Variants in GULP1 observed in about 807,000 individuals in gnomAD.
The protein encoded by GULP1 is GULP PTB domain containing engulfment adaptor 1, also known as PTB domain-containing engulfment adapter protein 1.
A neutral mutation model predicts 40.9 loss-of-function variants in GULP1; 19 were observed. That is an observed-to-expected ratio of 0.46 (90% CI 0.32 to 0.68). The LOEUF (loss-of-function observed/expected upper bound fraction) is 0.68, where lower values mean the gene tolerates loss of function less well. Among genes scored for constraint, GULP1 ranks in the 30% least tolerant of loss-of-function variants. The pLI is 0.03. For missense variants in GULP1, 312 were observed against 362.2 expected (o/e 0.86, Z 1.12); for synonymous variants, 119 against 117.6 (o/e 1.01, Z -0.08).
rs149138350 is a variant in GULP1 at position 188,549,150 on chromosome 2, T to C, written c.399+7832T>C. On this transcript the variant is annotated intron_variant, in intron 7 of 11. Coordinates refer to ENST00000409830, the MANE Select transcript of GULP1 (RefSeq NM_016315.4). ...TTCTATGTATAAGTGCTTTGTTCCA[T>C]GTCTTAGGAAAGCATTCTTTTTTTA... Among the ~76,000 whole-genome samples the C allele has an allele frequency of 1.9e-3, 234 of 124,380 alleles. 5 individuals are homozygous for C. The highest frequency in any genetic ancestry group is 5.7e-3 in the African/African-American group (209 of 36,608). 81.6% of individuals were successfully genotyped at this position (124,380 alleles called of 152,430 possible).
Position 188,500,816 on chromosome 2 carries a change from A to T in GULP1, c.90+17324A>T, listed in dbSNP as rs540579150. On this transcript the variant is annotated intron_variant, in intron 4 of 11. Transcript: ENST00000409830. ...CTCAATGGGGCCCCTGGTCTTTTCC[A>T]AATTCTCTTCCCTTAATTCGTATCT... 1.3e-4 allele frequency among the ~76,000 whole-genome samples: 19 copies of T among 151,972 alleles called. No homozygotes were observed. The South Asian group carries it at 3.5e-3, about 28-fold the overall frequency.
intron 2 of GULP1, among the ~76,000 whole-genome samples, chr2:188,433,239 G>T (rs950993122): frequency 5.3e-5 from 8 of 152,024 alleles, no homozygotes; most frequent in African/African-American, 1.9e-4. Context: ...TCCAAAGGGG[G>T]TCATTCTCTT....
intron 2 of GULP1, among the ~76,000 whole-genome samples, chr2:188,416,239 T>C (rs1279828100): frequency 6.6e-6 from 1 of 152,156 alleles, no homozygotes; most frequent in Non-Finnish European, 1.5e-5. Flanking sequence ...TTTCTTCTTT[T>C]TTCTCTTCCT....
At chr2:188,302,085 A>G (rs1376164493) in intron 1 of GULP1, among the ~76,000 whole-genome samples, 1 of 152,208 alleles carries the variant, frequency 6.6e-6, no homozygotes, top group East Asian at 1.9e-4. Context: ...AAGTTTTAGA[A>G]GTAGTAATTT....
At chr2:188,538,361 C>A (rs1035363690) in intron 6 of GULP1, among the ~76,000 whole-genome samples, 3 of 151,844 alleles carry the variant, frequency 2.0e-5, no homozygotes, top group Admixed American at 6.6e-5. Flanking sequence ...AATTCTATTC[C>A]CAGAAGTGAG....
At chr2:188,566,036 G>A (rs932688368) in intron 7 of GULP1, among the ~76,000 whole-genome samples, 10 of 152,014 alleles carry the variant, frequency 6.6e-5, no homozygotes, top group African/African-American at 2.4e-4. Context: ...CTGAAAGTAG[G>A]CATAAGAGAC....
intron 1 of GULP1, among the ~76,000 whole-genome samples, chr2:188,351,966 A>AT (rs981418704): frequency 6.0e-4 from 90 of 150,680 alleles, no homozygotes; most frequent in African/African-American, 1.0e-3. Context: ...TAACTATCCC[A>AT]TTTTTTTTTG....
intron 1 of GULP1, among the ~76,000 whole-genome samples, chr2:188,365,581 G>T (rs914844904): frequency 4.6e-5 from 7 of 152,152 alleles, no homozygotes; most frequent in African/African-American, 1.7e-4. Flanking sequence ...TTGAACATTG[G>T]TTTGGATCTT....
chr2:188,443,687 T>A (rs957936960), intron 2 of GULP1, among the ~76,000 whole-genome samples: 2 of 150,792 alleles, frequency 1.3e-5, no homozygotes, highest in African/African-American at 4.9e-5. Flanking sequence ...ATGAATTTCT[T>A]TTCTTTTTTT....
chr2:188,441,755 C>A (rs2057954294), intron 2 of GULP1, among the ~76,000 whole-genome samples: 2 of 152,160 alleles, frequency 1.3e-5, no homozygotes. Flanking sequence ...CTCCCACCTG[C>A]TGTGGTTTGG....
At position 188,594,099 on chromosome 2, in the gene GULP1, ATG is replaced by A. The variant is rs942359113; in HGVS notation, c.*92_*93del. The A allele has an allele frequency of 4.3e-6, 3 of 700,172 alleles. No individual in the cohort carries two copies. Among genetic ancestry groups the A allele is most frequent in the Non-Finnish European group, 7.4e-6 (3 of 407,274 alleles). The allele number at this position is 700,172 out of a possible 1,614,324, so 43.4% of individuals were successfully genotyped here. A position where few individuals can be genotyped will look rare whatever the true frequency, so the allele number is the denominator to read the frequency against. ...TATTACTTTAAGATAGGTATTATTC[ATG>A]TGTCAATGTTTTTGAATATTTTAAT... is the stretch of plus-strand genomic sequence containing the variant. On this transcript the variant is annotated 3_prime_UTR_variant, in exon 12 of 12. Coordinates refer to ENST00000409830, the MANE Select transcript of GULP1 (RefSeq NM_016315.4).
chr2:188,406,647 T>C (rs754754576), intron 2 of GULP1, among the ~76,000 whole-genome samples: 1 of 151,810 alleles, frequency 6.6e-6, no homozygotes, highest in Non-Finnish European at 1.5e-5. Flanking sequence ...TGAAGATAGG[T>C]TATTCGAAAA....
intron 1 of GULP1, among the ~76,000 whole-genome samples, chr2:188,316,159 A>G (rs923659992): frequency 1.3e-5 from 2 of 152,176 alleles, no homozygotes; most frequent in African/African-American, 4.8e-5. Context: ...TATGCCTGAT[A>G]CAACAGAGAA....
chr2:188,349,160 G>A (rs1158819368), intron 1 of GULP1, among the ~76,000 whole-genome samples: 1 of 152,116 alleles, frequency 6.6e-6, no homozygotes, highest in Non-Finnish European at 1.5e-5. Context: ...TTGGTTGACA[G>A]GCATTTGGGT....
intron 2 of GULP1, among the ~76,000 whole-genome samples, chr2:188,448,734 C>G (rs2058600615): frequency 6.6e-6 from 1 of 152,124 alleles, no homozygotes; most frequent in Non-Finnish European, 1.5e-5. Flanking sequence ...GAGGTGAGGC[C>G]TGAGTTCTCA....
At chr2:188,529,258 A>C in intron 6 of GULP1, 63 bp downstream of exon 6, 1 of 816,474 alleles carries the variant, frequency 1.2e-6, no homozygotes, top group Non-Finnish European at 2.0e-6. Context: ...TTCCTACTTT[A>C]ACAAATATTT....
At chr2:188,359,125 G>A (rs115779587) in intron 1 of GULP1, among the ~76,000 whole-genome samples, 2 of 152,196 alleles carry the variant, frequency 1.3e-5, no homozygotes, top group Non-Finnish European at 2.9e-5. Flanking sequence ...GATTTGGATA[G>A]TAAACATACA....
chr2:188,522,638 A>T, intron 4 of GULP1, 118 bp from the exon 5 acceptor site: 1 of 395,124 alleles, frequency 2.5e-6, no homozygotes, highest in Non-Finnish European at 4.8e-6. Context: ...ATTCTATTTA[A>T]TTAACATATG....
chr2:188,438,156 T>G (rs1559240767), intron 2 of GULP1, among the ~76,000 whole-genome samples: 1 of 152,054 alleles, frequency 6.6e-6, no homozygotes, highest in Admixed American at 6.6e-5. Context: ...CTATTGTGGT[T>G]TGAGAAACCA....
Sources: gnomAD v4.1 joint callset for allele counts (sites outside exome capture counted in the v4.1 genomes callset) on GRCh38, gnomAD v4.1.1 for gene constraint, MANE v1.5 for transcripts, NCBI Gene and HGNC (gene_info 2026-07-23, HGNC 2026-07-21) for gene names.